The following WDR11 variants were observed in gnomAD, a reference collection of about 807,000 sequenced individuals.
WDR11 encodes WD repeat-containing protein 11.
Under a neutral mutation model 151.2 loss-of-function variants are expected in WDR11, and 83 were observed. The ratio of observed to expected loss-of-function variants is 0.55; its 90% CI spans 0.46 to 0.66. The LOEUF is 0.66. Among genes scored for constraint, WDR11 ranks in the 30% least tolerant of loss-of-function variants. The probability of loss-of-function intolerance (pLI) is 0.00; values close to 1 mark genes in which losing one functional copy is unlikely to be tolerated. For synonymous variants in WDR11, 484 were observed against 533.1 expected (o/e 0.91, Z 1.27); for missense variants, 1,301 against 1,480.9 (o/e 0.88, Z 1.99).
chr10:120,889,200 G>T lies in WDR11; in HGVS notation c.2228+16G>T. 6.6e-7 allele frequency: 1 copy of T among 1,520,134 alleles called. No individual in the cohort carries two copies. Among genetic ancestry groups the T allele is most frequent in the Non-Finnish European group, 9.1e-7 (1 of 1,094,710 alleles). The allele number at this position is 1,520,134 out of a possible 1,614,324, so 94.2% of individuals were successfully genotyped here. A position where few individuals can be genotyped will look rare whatever the true frequency, so the allele number is the denominator to read the frequency against. ...GAGTATCCAGGTATAAGCCAAGAAT[G>T]AAATCTTGTTATTTCATTAAAAAAA... is the stretch of plus-strand genomic sequence containing the variant. On this transcript the variant is annotated intron_variant, in intron 17 of 28. Transcript: ENST00000263461.
At chr10:120,857,378 A>C (rs1845984656) in intron 2 of WDR11, among the ~76,000 whole-genome samples, 1 of 152,222 alleles carries the variant, frequency 6.6e-6, no homozygotes, top group Non-Finnish European at 1.5e-5. Flanking sequence ...TTGAGGTTGC[A>C]AATTATAGTG....
chr10:120,855,430 T>C lies in WDR11; in HGVS notation c.198+2795T>C, dbSNP rs369592173. On this transcript the variant is annotated intron_variant, in intron 2 of 28. Transcript: ENST00000263461. ...TGGATTGATACATGATTTGCAAATATTTTCTCTCAATTTGTGGGTTGTCTT... is the reference window on the plus strand; with the variant it reads ...TGGATTGATACATGATTTGCAAATACTTTCTCTCAATTTGTGGGTTGTCTT... Among the ~76,000 whole-genome samples the C allele has an allele frequency of 4.6e-5, 7 of 152,324 alleles. No individual in the cohort carries two copies. The East Asian group carries it at 1.2e-3, about 25-fold the overall frequency.
At chr10:120,869,429 G>C (rs1396752191) in intron 9 of WDR11, among the ~76,000 whole-genome samples, 1 of 152,098 alleles carries the variant, frequency 6.6e-6, no homozygotes, top group Non-Finnish European at 1.5e-5. Flanking sequence ...CAGTTTTTAA[G>C]AGACAAATGG....
intron 27 of WDR11, 103 bp downstream of exon 27, chr10:120,906,124 AAGG>A: frequency 2.5e-6 from 4 of 1,598,738 alleles, no homozygotes; most frequent in Non-Finnish European, 1.7e-6. Flanking sequence ...TGTAAAGTGA[AAGG>A]AGAAGTATAC....
At position 120,852,504 on chromosome 10, in the gene WDR11, T is replaced by A; in HGVS notation, c.87-20T>A. On this transcript the variant is annotated intron_variant, in intron 1 of 28. Coordinates refer to ENST00000263461, the MANE Select transcript of WDR11 (RefSeq NM_018117.12). ...CCTGCTTTGTTCTGTACTTAAACTT[T>A]AACATTACTGTTTTGCTAGGGGCTG... 6.2e-7 allele frequency: 1 copy of A among 1,609,188 alleles called. No individual in the cohort carries two copies. Among genetic ancestry groups the A allele is most frequent in the Non-Finnish European group, 8.5e-7 (1 of 1,175,686 alleles).
At chr10:120,884,474 T>C (rs1847144204) in intron 14 of WDR11, among the ~76,000 whole-genome samples, 3 of 152,016 alleles carry the variant, frequency 2.0e-5, no homozygotes, top group Non-Finnish European at 4.4e-5. Flanking sequence ...TAATACCGTA[T>C]AGAGAAGTGA....
chr10:120,876,533 T>G (rs1846798293), intron 11 of WDR11, among the ~76,000 whole-genome samples: 2 of 152,210 alleles, frequency 1.3e-5, no homozygotes, highest in Non-Finnish European at 2.9e-5. Flanking sequence ...ATTCATCTCT[T>G]CTCTTCTGTT....
chr10:120,876,641 A>G (rs970852052), intron 11 of WDR11, among the ~76,000 whole-genome samples: 1 of 151,950 alleles, frequency 6.6e-6, no homozygotes, highest in Non-Finnish European at 1.5e-5. Context: ...TTCTCTCGAC[A>G]TTTCCTTTCA....
rs765482207 is a variant in WDR11, at chr10:120,904,651, C to T, written c.3033C>T (p.Asp1011=). The change falls in exon 25 of 29, where the codon GAC becomes GAT. Residue 1011 remains aspartate (D), a synonymous_variant. Transcript: ENST00000263461. ...AAAACCGTTTCTCTTACTAGACAGA[C>T]AGAGCTGTGCAGTTGCTGTTGGAAA... ...TDQLLLLGQT[D]RAVQLLLETS... The T allele has an allele frequency of 6.2e-7, 1 of 1,614,016 alleles. No individual in the cohort carries two copies. Among genetic ancestry groups the T allele is most frequent in the Non-Finnish European group, 8.5e-7 (1 of 1,180,022 alleles).
intron 1 of WDR11, chr10:120,852,318 G>A (rs2133718048): frequency 1.9e-6 from 1 of 539,640 alleles, no homozygotes; most frequent in East Asian, 3.3e-5. Context: ...TTTTTTATCC[G>A]AATGAAAAGT....
intron 17 of WDR11, 85 bp downstream of exon 17, chr10:120,889,269 G>A: frequency 1.3e-6 from 1 of 757,922 alleles, no homozygotes; most frequent in Admixed American, 2.5e-5. Context: ...ATGGTGTCTT[G>A]CTCTGTCGCC....
intron 7 of WDR11, among the ~76,000 whole-genome samples, chr10:120,865,967 T>C (rs1373477801): frequency 6.6e-6 from 1 of 152,050 alleles, no homozygotes; most frequent in Non-Finnish European, 1.5e-5. Context: ...TAAAATTTTG[T>C]GTTTCTTGAT....
At position 120,858,627 on chromosome 10, in the gene WDR11, TTTC is replaced by T. The variant is rs1846028910; in HGVS notation, c.199-10_199-8del. ...CAGCGCAAGTATTTACTTGATCTGATTTCTTCTTGATACAGGTTAAATGGGCCA... is the reference window on the plus strand; with the variant it reads ...CAGCGCAAGTATTTACTTGATCTGATTTCTTGATACAGGTTAAATGGGCCA... On this transcript the variant is annotated splice_polypyrimidine_tract_variant and intron_variant, in intron 2 of 28. Transcript: ENST00000263461. The T allele has an allele frequency of 6.2e-7, 1 of 1,614,070 alleles. No individual in the cohort carries two copies. Among genetic ancestry groups the T allele is most frequent in the Non-Finnish European group, 8.5e-7 (1 of 1,180,022 alleles).
In WDR11 at chr10:120,891,086, A is replaced by G. The variant is rs4752471; in HGVS notation, c.2515+199A>G. The stretch of plus-strand genomic sequence containing the variant: ...GCAATCTTTGTAACTATAGATGTCA[A>G]TCATTCTCAATTCAGGTTTTTTAAG... On this transcript the variant is annotated intron_variant, in intron 19 of 28. Coordinates refer to ENST00000263461, the MANE Select transcript of WDR11 (RefSeq NM_018117.12). Among the ~76,000 whole-genome samples the G allele has an allele frequency of 0.37, 56,571 of 152,038 alleles. 10,615 individuals are homozygous for G. Among genetic ancestry groups the G allele is most frequent in the Admixed American group, 0.44 (6,705 of 15,284 alleles).
intron 19 of WDR11, 127 bp from the exon 20 acceptor site, chr10:120,899,902 T>G: frequency 1.3e-6 from 1 of 754,650 alleles, no homozygotes; most frequent in Non-Finnish European, 2.3e-6. Context: ...CTACATTGAA[T>G]ATACTCTCAG....
rs1463170042 is a variant in WDR11, at chr10:120,858,710, C to T, written c.266C>T (p.Ala89Val). Residue 89 changes from alanine (A) to valine (V), a missense_variant, in exon 3 of 29, where the codon GCT (alanine) becomes GTT (valine). Physicochemically the swap from Ala to Val is moderately conservative, Grantham distance 64. Transcript: ENST00000263461. ...CCATATTGCTTACGGTTAGCTTCTG[C>T]TGATGTCAATGGGAAGATCATCGTC... ...GSPYCLRLAS[A>V]DVNGKIIVWD... 2 of 1,614,214 alleles carry T rather than the reference C, an allele frequency of 1.2e-6. No homozygotes were observed. The highest frequency in any genetic ancestry group is 3.3e-5 in the Admixed American group (2 of 60,024).
chr10:120,871,397 T>G, intron 10 of WDR11, 51 bp downstream of exon 10: 3 of 1,554,244 alleles, frequency 1.9e-6, no homozygotes, highest in Non-Finnish European at 1.8e-6. Context: ...ATAAGATGTT[T>G]AGGTTTTCTA....
chr10:120,875,978 C>CTTTTTTTCT (rs72476140), intron 11 of WDR11, among the ~76,000 whole-genome samples: 33 of 122,828 alleles, frequency 2.7e-4, no homozygotes, highest in African/African-American at 9.9e-4. Flanking sequence ...CCTTTTTTTT[C>CTTTTTTTCT]TTTTTTTTTT....
Position 120,852,172 on chromosome 10 carries a change from G to T in WDR11, c.87-352G>T, listed in dbSNP as rs12250939. 1,523 of 305,448 alleles carry T rather than the reference G, an allele frequency of 5.0e-3. 22 individuals carry two copies. Among genetic ancestry groups the T allele is most frequent in the African/African-American group, 0.031 (1,448 of 46,086 alleles). The allele number at this position is 305,448 out of a possible 1,614,324, so 18.9% of individuals were successfully genotyped here. On this transcript the variant is annotated intron_variant, in intron 1 of 28. Transcript: ENST00000263461. ...TTAGTTGGAAGGACTAGGATTAGTC[G>T]CAGTATCCCCAGGCACATTGTGGAT...
Sources: allele counts gnomAD v4.1 joint callset (sites outside exome capture counted in the v4.1 genomes callset), GRCh38; gene constraint gnomAD v4.1.1; transcripts MANE v1.5; gene names NCBI Gene and HGNC (gene_info 2026-07-23, HGNC 2026-07-21).